SOHLH2: variants seen among roughly 807,000 people sequenced by gnomAD.
The protein encoded by SOHLH2 is spermatogenesis- and oogenesis-specific basic helix-loop-helix-containing protein 2.
SOHLH2 carries 22 observed loss-of-function variants against 50.4 expected under a neutral mutation model. The observed-to-expected ratio is 0.44, with a 90% CI of 0.31 to 0.62. The LOEUF (loss-of-function observed/expected upper bound fraction) is 0.62. Ranked by LOEUF, SOHLH2 falls within the 20% of genes least tolerant of loss-of-function variation. SOHLH2 has a pLI of 0.08. For synonymous variants in SOHLH2, 185 were observed against 187.3 expected (o/e 0.99, Z 0.10); for missense variants, 412 against 504.4 (o/e 0.82, Z 1.76).
intron 6 of SOHLH2, among the ~76,000 whole-genome samples, chr13:36,179,120 T>A (rs951383295): frequency 2.0e-5 from 3 of 152,168 alleles, no homozygotes; most frequent in Admixed American, 6.5e-5. Flanking sequence ...CTAATTGCAA[T>A]GGCTAGGATT....
intron 10 of SOHLH2, among the ~76,000 whole-genome samples, 155 bp from the exon 11 acceptor site, chr13:36,169,209 T>C (rs1478438452): frequency 1.3e-5 from 2 of 152,198 alleles, no homozygotes. Context: ...TTTTTAAATA[T>C]ATATTCTTAT....
In SOHLH2 at chr13:36,168,978, G is replaced by C; in HGVS notation, c.*56C>G. The C allele has an allele frequency of 3.2e-6, 5 of 1,576,364 alleles. No homozygotes were observed. The highest frequency in any genetic ancestry group is 4.3e-6 in the Non-Finnish European group (5 of 1,165,338). ...ATCATTCTTTGTTCCACTTTTCCTA[G>C]ATTGTCAAACTGCGCCCAGTAGGTG... On this transcript the variant is annotated 3_prime_UTR_variant, in exon 11 of 11. Coordinates refer to ENST00000379881, the MANE Select transcript of SOHLH2 (RefSeq NM_017826.3).
rs1208730850 is a variant in SOHLH2 at position 36,182,315 on chromosome 13, T to C, written c.642-7446A>G. On this transcript the variant is annotated intron_variant, in intron 6 of 10. Coordinates refer to ENST00000379881, the MANE Select transcript of SOHLH2 (RefSeq NM_017826.3). ...TGGGTTAAAAAGATAAGAGTTAAGA[T>C]TAAAGTCACTGAAAATTACTTATTT... The C allele has an allele frequency of 5.1e-6, 5 of 983,962 alleles. No homozygotes were observed. In the South Asian group the frequency reaches 2.4e-4, roughly 46 times the overall value. The allele number at this position is 983,962 out of a possible 1,614,324, so 61.0% of individuals were successfully genotyped here. A position where few individuals can be genotyped will look rare whatever the true frequency, so the allele number is the denominator to read the frequency against.
intron 2 of SOHLH2, among the ~76,000 whole-genome samples, 153 bp downstream of exon 2, chr13:36,201,726 T>G (rs1229845573): frequency 1.3e-5 from 2 of 152,152 alleles, no homozygotes; most frequent in African/African-American, 4.8e-5. Context: ...CACATCGGCC[T>G]CTCAAAGTGC....
intron 2 of SOHLH2, among the ~76,000 whole-genome samples, chr13:36,200,550 C>T (rs1441709318): frequency 6.6e-6 from 1 of 151,966 alleles, no homozygotes; most frequent in Admixed American, 6.6e-5. Context: ...AATTTTTTAG[C>T]CAAAAAAGAG....
intron 6 of SOHLH2, among the ~76,000 whole-genome samples, chr13:36,183,629 C>T (rs967414716): frequency 2.6e-5 from 4 of 151,892 alleles, no homozygotes; most frequent in African/African-American, 7.3e-5. Context: ...TATATGAAAA[C>T]GAACAACAGA....
intron 5 of SOHLH2, among the ~76,000 whole-genome samples, chr13:36,191,033 T>C (rs762029443): frequency 6.6e-6 from 1 of 152,190 alleles, no homozygotes; most frequent in African/African-American, 2.4e-5. Context: ...AGCAGTTATG[T>C]CCATTCTTTG....
intron 6 of SOHLH2, among the ~76,000 whole-genome samples, chr13:36,185,366 C>T (rs1887387705): frequency 1.3e-5 from 2 of 151,880 alleles, no homozygotes; most frequent in South Asian, 4.2e-4. Flanking sequence ...GCTTGGGAGG[C>T]TGAGGCAGGA....
chr13:36,201,897 T>C lies in SOHLH2; in HGVS notation c.245A>G (p.Glu82Gly). The change falls in exon 2 of 11, where the codon GAA becomes GGA. Residue 82 changes from glutamate (E) to glycine (G), a missense_variant. Physicochemically the swap from Glu to Gly is moderately conservative, Grantham distance 98. Coordinates refer to ENST00000379881, the MANE Select transcript of SOHLH2 (RefSeq NM_017826.3). ...VPSSLSAEELEAIKLIRFGKK... is the reference protein window; with the variant it reads ...VPSSLSAEELGAIKLIRFGKK... ...AGTTTACCTAATTAACTTGATGGCT[T>C]CCAGCTCCTCGGCACTTAGTGAAGA... is the stretch of plus-strand genomic sequence containing the variant. 3 of 1,614,258 alleles carry C rather than the reference T, an allele frequency of 1.9e-6. No individual in the cohort carries two copies. The highest frequency in any genetic ancestry group is 2.5e-6 in the Non-Finnish European group (3 of 1,180,054).
At chr13:36,181,161 AT>A (rs1887245059) in intron 6 of SOHLH2, among the ~76,000 whole-genome samples, 1 of 152,134 alleles carries the variant, frequency 6.6e-6, no homozygotes, top group African/African-American at 2.4e-5. Context: ...AGTCTACTTT[AT>A]TTGATATTAA....
intron 10 of SOHLH2, among the ~76,000 whole-genome samples, chr13:36,169,649 C>T (rs1014960064): frequency 2.6e-5 from 4 of 152,164 alleles, no homozygotes; most frequent in Non-Finnish European, 5.9e-5. Flanking sequence ...TAACAGAAGT[C>T]CATTTTAAGT....
At chr13:36,183,264 T>C (rs1405743330) in intron 6 of SOHLH2, 6 of 252,420 alleles carry the variant, frequency 2.4e-5, no homozygotes, top group South Asian at 2.2e-4. Context: ...TATTTCTTTA[T>C]AGCAACACAA....
chr13:36,174,946 C>G, intron 6 of SOHLH2, 77 bp from the exon 7 acceptor site: 1 of 1,505,862 alleles, frequency 6.6e-7, no homozygotes, highest in Non-Finnish European at 8.8e-7. Flanking sequence ...ACAACACTTC[C>G]TCCTGGGTAT....
intron 1 of SOHLH2, among the ~76,000 whole-genome samples, chr13:36,209,647 A>G (rs1049171503): frequency 6.6e-6 from 1 of 152,178 alleles, no homozygotes; most frequent in Admixed American, 6.5e-5. Context: ...TAACGCCATC[A>G]CCTTAGCAGT....
chr13:36,169,563 G>C (rs1886907090), intron 10 of SOHLH2, among the ~76,000 whole-genome samples: 1 of 152,158 alleles, frequency 6.6e-6, no homozygotes, highest in South Asian at 2.1e-4. Context: ...AGAGTATTTG[G>C]CACTATTAGT....
chr13:36,199,797 G>T (rs976545897), intron 2 of SOHLH2, among the ~76,000 whole-genome samples: 1 of 152,124 alleles, frequency 6.6e-6, no homozygotes, highest in African/African-American at 2.4e-5. Flanking sequence ...CTCTTATCTT[G>T]TTCAAAAGGT....
intron 6 of SOHLH2, among the ~76,000 whole-genome samples, chr13:36,186,939 G>C (rs1638773648): frequency 6.6e-6 from 1 of 152,042 alleles, no homozygotes; most frequent in Non-Finnish European, 1.5e-5. Context: ...GGAGGAGGAA[G>C]AAAGGAAACA....
rs1428573529 is a variant in SOHLH2, at chr13:36,170,723, T to C, written c.1065A>G (p.Ala355=). Residue 355 remains alanine (A), a synonymous_variant, in exon 10 of 11, where the codon GCA becomes GCG. Transcript: ENST00000379881. ...GDPYKTHISS[A]ALSLNSLHTV... Reference sequence around the variant, plus strand: ...TATGCAAGGAATTCAGAGACAGCGCTGCACTGGAAATGTGAGTTTTATATG... The same window carrying C: ...TATGCAAGGAATTCAGAGACAGCGCCGCACTGGAAATGTGAGTTTTATATG... 1.2e-6 allele frequency: 2 copies of C among 1,614,208 alleles called. No individual in the cohort carries two copies. Among genetic ancestry groups the C allele is most frequent in the Admixed American group, 1.7e-5 (1 of 60,024 alleles).
intron 6 of SOHLH2, among the ~76,000 whole-genome samples, chr13:36,178,293 ATT>A (rs943772373): frequency 1.4e-5 from 2 of 146,630 alleles, no homozygotes. Flanking sequence ...TCTTGAAATA[ATT>A]TTTTATATGG....
Sources: allele counts gnomAD v4.1 joint callset (sites outside exome capture counted in the v4.1 genomes callset), GRCh38; gene constraint gnomAD v4.1.1; transcripts MANE v1.5; gene names NCBI Gene and HGNC (gene_info 2026-07-23, HGNC 2026-07-21).